PTPRM: variants seen among roughly 807,000 people sequenced by gnomAD.
PTPRM encodes the protein receptor-type tyrosine-protein phosphatase mu.
Under a neutral mutation model 186.7 loss-of-function variants are expected in PTPRM, and 47 were observed. That is an observed-to-expected ratio of 0.25 (90% CI 0.20 to 0.32). The LOEUF is 0.32. PTPRM is among the 10% of genes least tolerant of loss of function. The probability of loss-of-function intolerance (pLI) is 1.00; values close to 1 mark genes in which losing one functional copy is unlikely to be tolerated. For synonymous variants in PTPRM, 668 were observed against 674.9 expected, an observed-to-expected ratio of 0.99 and a Z score of 0.16; for missense variants, 1,494 against 1,865.0, an observed-to-expected ratio of 0.80 and a Z score of 3.66.
At chr18:8,090,539 C>T (rs756093616) in intron 11 of PTPRM, among the ~76,000 whole-genome samples, 6 of 152,128 alleles carry the variant, frequency 3.9e-5, no homozygotes, top group Non-Finnish European at 5.9e-5. Context: ...CTTTCAAACC[C>T]TTTCAGTTGG....
At chr18:7,948,541 G>A (rs1435125716) in intron 5 of PTPRM, among the ~76,000 whole-genome samples, 4 of 152,164 alleles carry the variant, frequency 2.6e-5, no homozygotes, top group African/African-American at 9.7e-5. Context: ...CCCAGCTGTG[G>A]AACTTTGTTT....
intron 1 of PTPRM, among the ~76,000 whole-genome samples, chr18:7,608,999 A>G (rs2037606182): frequency 6.6e-6 from 1 of 152,182 alleles, no homozygotes; most frequent in African/African-American, 2.4e-5. Flanking sequence ...GAGGCAGTGG[A>G]GGCAGATGTC....
chr18:7,616,179 C>T (rs889032462), intron 1 of PTPRM, among the ~76,000 whole-genome samples: 2 of 152,240 alleles, frequency 1.3e-5, no homozygotes, highest in East Asian at 1.9e-4. Context: ...GTTTTTTAGA[C>T]AGGGTCTCAC....
intron 14 of PTPRM, among the ~76,000 whole-genome samples, chr18:8,178,600 A>G (rs960602587): frequency 2.0e-5 from 3 of 152,072 alleles, no homozygotes; most frequent in Admixed American, 6.6e-5. Flanking sequence ...CCTGGCCAAC[A>G]TGGTGAAACC....
intron 20 of PTPRM, among the ~76,000 whole-genome samples, chr18:8,304,690 A>G (rs948302546): frequency 2.0e-5 from 3 of 152,160 alleles, no homozygotes; most frequent in African/African-American, 7.2e-5. Context: ...CATTAAAGAA[A>G]CTTTGTACAC....
intron 1 of PTPRM, among the ~76,000 whole-genome samples, chr18:7,694,891 AAGAAAC>A (rs919251003): frequency 3.3e-5 from 5 of 152,230 alleles, no homozygotes; most frequent in African/African-American, 1.2e-4. Flanking sequence ...AGTAAAAAGA[AAGAAAC>A]AGAAACAAAG....
At chr18:7,602,938 T>TATTATTATTATTATC (rs1248170089) in intron 1 of PTPRM, among the ~76,000 whole-genome samples, 3 of 143,750 alleles carry the variant, frequency 2.1e-5, no homozygotes, top group African/African-American at 7.7e-5. Context: ...TTATTATTAT[T>TATTATTATTATTATC]ATTATTTGAG....
chr18:8,217,623 T>G (rs2094105519), intron 14 of PTPRM, among the ~76,000 whole-genome samples: 1 of 152,184 alleles, frequency 6.6e-6, no homozygotes, highest in Non-Finnish European at 1.5e-5. Context: ...TGATAACTCC[T>G]TCCGCAGGCT....
At chr18:7,650,454 C>G (rs988117310) in intron 1 of PTPRM, among the ~76,000 whole-genome samples, 8 of 146,202 alleles carry the variant, frequency 5.5e-5, no homozygotes, top group East Asian at 2.1e-4. Context: ...TCCCCCCCCC[C>G]CCCACTGTAA....
At chr18:8,031,646 C>T (rs1253060343) in intron 7 of PTPRM, among the ~76,000 whole-genome samples, 3 of 152,158 alleles carry the variant, frequency 2.0e-5, no homozygotes, top group East Asian at 1.9e-4. Context: ...CAGGAGAAAA[C>T]AGTAGGCAGA....
At chr18:8,226,144 T>C (rs1203910728) in intron 14 of PTPRM, among the ~76,000 whole-genome samples, 2 of 119,274 alleles carry the variant, frequency 1.7e-5, no homozygotes, top group Non-Finnish European at 3.6e-5. Context: ...GGCAAATGTG[T>C]GGTTAAAAAA....
intron 1 of PTPRM, among the ~76,000 whole-genome samples, chr18:7,627,351 G>A (rs967542208): frequency 3.3e-5 from 5 of 152,184 alleles, no homozygotes; most frequent in South Asian, 2.1e-4. Flanking sequence ...GCAGCCAGGC[G>A]GGGAAGCATT....
chr18:7,923,749 A>G (rs2051007127), intron 4 of PTPRM, among the ~76,000 whole-genome samples: 1 of 152,202 alleles, frequency 6.6e-6, no homozygotes, highest in Non-Finnish European at 1.5e-5. Flanking sequence ...AGGGGAGTTA[A>G]TGGCAACTAT....
chr18:8,156,648 C>T (rs933643141), intron 14 of PTPRM, among the ~76,000 whole-genome samples: 1 of 152,154 alleles, frequency 6.6e-6, no homozygotes, highest in Non-Finnish European at 1.5e-5. Flanking sequence ...TACCCTGGCT[C>T]AGGCAAGTAA....
intron 14 of PTPRM, among the ~76,000 whole-genome samples, chr18:8,240,902 G>A (rs1164650518): frequency 1.3e-5 from 2 of 152,032 alleles, no homozygotes; most frequent in Non-Finnish European, 2.9e-5. Flanking sequence ...AGGTCTGTCA[G>A]CACCGTTTTT....
intron 29 of PTPRM, among the ~76,000 whole-genome samples, chr18:8,383,212 C>G (rs1039478953): frequency 3.6e-5 from 5 of 137,788 alleles, no homozygotes; most frequent in African/African-American, 1.1e-4. Flanking sequence ...GCAAAAGAAT[C>G]GCTTGAACCC....
At chr18:8,043,207 G>A (rs187289834) in intron 7 of PTPRM, among the ~76,000 whole-genome samples, 2 of 152,252 alleles carry the variant, frequency 1.3e-5, no homozygotes, top group African/African-American at 4.8e-5. Flanking sequence ...TAACTTATTA[G>A]CCCTACCAAG....
chr18:8,118,001 G>T (rs778013530), intron 13 of PTPRM, among the ~76,000 whole-genome samples: 2 of 151,978 alleles, frequency 1.3e-5, no homozygotes, highest in African/African-American at 2.4e-5. Flanking sequence ...CACCATGGTG[G>T]TCTCATGGTA....
chr18:8,288,231 G>A (rs375216819), intron 19 of PTPRM, among the ~76,000 whole-genome samples: 47 of 152,278 alleles, frequency 3.1e-4, no homozygotes, highest in African/African-American at 9.9e-4. Flanking sequence ...AAATATTCTT[G>A]TGATGAGCCC....
Sources: gnomAD v4.1 joint callset for allele counts (sites outside exome capture counted in the v4.1 genomes callset) on GRCh38, gnomAD v4.1.1 for gene constraint, MANE v1.5 for transcripts, NCBI Gene and HGNC (gene_info 2026-07-23, HGNC 2026-07-21) for gene names.